Variants in TULP4 observed in about 807,000 individuals in gnomAD.
TULP4 encodes TUB like protein 4.
TULP4 carries 16 observed loss-of-function variants against 129.0 expected under a neutral mutation model. The observed-to-expected ratio is 0.12, with a 90% CI of 0.08 to 0.19. The LOEUF is 0.19. Ranked by LOEUF, TULP4 falls within the 10% of genes least tolerant of loss-of-function variation. The pLI, the probability that TULP4 is intolerant of heterozygous loss-of-function variation, is 1.00. For synonymous variants in TULP4, 998 were observed against 854.0 expected (o/e 1.17, Z -2.94); for missense variants, 1,842 against 2,059.1 (o/e 0.89, Z 2.04).
At chr6:158,492,098 T>C (rs1343305506) in intron 9 of TULP4, among the ~76,000 whole-genome samples, 2 of 152,176 alleles carry the variant, frequency 1.3e-5, no homozygotes, top group Non-Finnish European at 2.9e-5. Context: ...GACCTTGTGA[T>C]CCGCCCGCCT....
At chr6:158,450,799 G>A (rs1300624946) in intron 4 of TULP4, among the ~76,000 whole-genome samples, 3 of 151,890 alleles carry the variant, frequency 2.0e-5, no homozygotes, top group Non-Finnish European at 2.9e-5. Flanking sequence ...GCTCAGGCCT[G>A]TAATCCTAGC....
intron 3 of TULP4, among the ~76,000 whole-genome samples, chr6:158,441,901 G>C (rs1778906436): frequency 6.6e-6 from 1 of 152,190 alleles, no homozygotes; most frequent in Non-Finnish European, 1.5e-5. Flanking sequence ...CTGTTTGATA[G>C]GGCCCATCTC....
In TULP4 at chr6:158,502,713, G is replaced by A. The variant is rs1223935129; in HGVS notation, c.3050G>A (p.Gly1017Asp). The change falls in exon 13 of 14, where the codon GGC becomes GAC. Residue 1017 changes from glycine to aspartate, a missense_variant. Coordinates refer to ENST00000367097, the MANE Select transcript of TULP4 (RefSeq NM_020245.5). ...APLQPLAKSK[G>D]GPGGVVTQLP... ...CTGCAGCCCCTGGCCAAGTCCAAGG[G>A]CGGGCCCGGGGGGGTGGTGACACAG... 1.3e-6 allele frequency: 2 copies of A among 1,562,088 alleles called. No homozygotes were observed. The highest frequency in any genetic ancestry group is 1.8e-5 in the Admixed American group (1 of 56,772).
intron 1 of TULP4, among the ~76,000 whole-genome samples, chr6:158,352,611 G>A (rs1204423516): frequency 2.0e-5 from 3 of 152,116 alleles, no homozygotes; most frequent in African/African-American, 7.2e-5. Flanking sequence ...TGGCCAGGAT[G>A]GTCTTGATCT....
At chr6:158,388,171 A>G (rs1273192483) in intron 1 of TULP4, among the ~76,000 whole-genome samples, 1 of 152,156 alleles carries the variant, frequency 6.6e-6, no homozygotes, top group Admixed American at 6.5e-5. Flanking sequence ...TTATTTTAGC[A>G]GATTGCCAGG....
chr6:158,312,228 G>A (rs1055810814), upstream of TULP4: 11 of 397,676 alleles, frequency 2.8e-5, no homozygotes, highest in Admixed American at 4.8e-4. Flanking sequence ...ACACTTGAGA[G>A]TTTTACAACT....
At chr6:158,449,557 T>G (rs1011131712) in intron 4 of TULP4, among the ~76,000 whole-genome samples, 60 of 152,334 alleles carry the variant, frequency 3.9e-4, no homozygotes, top group African/African-American at 1.4e-3. Flanking sequence ...ATATGTGATA[T>G]ATCCAAATCC....
intron 1 of TULP4, among the ~76,000 whole-genome samples, chr6:158,254,239 T>G (rs966166359): frequency 2.0e-5 from 3 of 151,910 alleles, no homozygotes; most frequent in Non-Finnish European, 4.4e-5. Flanking sequence ...GCCTTCTGGG[T>G]TTAAATGATT....
rs968588476 is a variant in TULP4, at chr6:158,341,381, G to A, written c.252+27113G>A. 2.0e-5 allele frequency among the ~76,000 whole-genome samples: 3 copies of A among 152,100 alleles called. No individual in the cohort carries two copies. The South Asian group carries it at 6.2e-4, about 32-fold the overall frequency. ...ATTCCATATCTTGGTTATTTGACTG[G>A]TGCTACAGTAAACATGGGAGTACAG... is the stretch of plus-strand genomic sequence containing the variant. On this transcript the variant is annotated intron_variant, in intron 1 of 13. Coordinates refer to ENST00000367097, the MANE Select transcript of TULP4 (RefSeq NM_020245.5).
chr6:158,243,777 A>G (rs1215045307), intron 1 of TULP4, among the ~76,000 whole-genome samples: 2 of 151,462 alleles, frequency 1.3e-5, no homozygotes, highest in African/African-American at 2.4e-5. Context: ...CTTGAATGTT[A>G]ACTTGGTCTA....
chr6:158,501,565 A>G (rs1280175889), intron 12 of TULP4, 113 bp from the exon 13 acceptor site: 18 of 1,096,112 alleles, frequency 1.6e-5, no homozygotes, highest in East Asian at 5.1e-5. Context: ...GTCTCTGGCA[A>G]TTTGCATTTT....
intron 8 of TULP4, among the ~76,000 whole-genome samples, chr6:158,483,043 A>G (rs12214402): frequency 6.6e-6 from 1 of 152,236 alleles, no homozygotes; most frequent in Non-Finnish European, 1.5e-5. Flanking sequence ...GCACATTGAC[A>G]GATATTTAGT....
intron 13 of TULP4, among the ~76,000 whole-genome samples, chr6:158,504,692 T>G (rs939293137): frequency 6.6e-6 from 1 of 151,708 alleles, no homozygotes; most frequent in African/African-American, 2.4e-5. Context: ...AGTCTCACTG[T>G]GTTGTCTAGA....
chr6:158,278,979 C>G (rs55757539), upstream of TULP4, among the ~76,000 whole-genome samples: 22,839 of 145,182 alleles, frequency 0.16, 2,234 homozygotes, highest in Middle Eastern at 0.23. Context: ...TCATTCTGTC[C>G]CCCAGGCTGG....
intron 1 of TULP4, among the ~76,000 whole-genome samples, chr6:158,243,297 C>T (rs1348793376): frequency 6.6e-6 from 1 of 151,948 alleles, no homozygotes; most frequent in Non-Finnish European, 1.5e-5. Context: ...GAAAAAGACC[C>T]CTTAAAATAA....
intron 1 of TULP4, among the ~76,000 whole-genome samples, chr6:158,347,888 AG>A (rs1177391196): frequency 1.1e-4 from 17 of 152,188 alleles, no homozygotes; most frequent in African/African-American, 4.1e-4. Context: ...AGAATCTATA[AG>A]GTAGAATGTT....
chr6:158,361,359 C>T (rs1780784943), intron 1 of TULP4, among the ~76,000 whole-genome samples: 1 of 152,164 alleles, frequency 6.6e-6, no homozygotes. Context: ...TAGTTTTTAG[C>T]AAGTTTTTAA....
chr6:158,286,448 C>G (rs896005403), intron 1 of TULP4, among the ~76,000 whole-genome samples: 1 of 152,128 alleles, frequency 6.6e-6, no homozygotes, highest in Non-Finnish European at 1.5e-5. Flanking sequence ...TTCCTCTGTA[C>G]CTGTAACCAC....
At chr6:158,414,080 CAATG>C (rs889204151) in intron 2 of TULP4, among the ~76,000 whole-genome samples, 5 of 152,196 alleles carry the variant, frequency 3.3e-5, no homozygotes, top group African/African-American at 7.2e-5. Context: ...CATAAAATTA[CAATG>C]AATGAAGACA....
Sources: gnomAD v4.1 joint callset for allele counts (sites outside exome capture counted in the v4.1 genomes callset) on GRCh38, gnomAD v4.1.1 for gene constraint, MANE v1.5 for transcripts, NCBI Gene and HGNC (gene_info 2026-07-23, HGNC 2026-07-21) for gene names.